The following SPATA6 variants were observed in gnomAD, a reference collection of about 807,000 sequenced individuals.
The protein encoded by SPATA6 is spermatogenesis-associated protein 6.
A neutral mutation model predicts 65.3 loss-of-function variants in SPATA6; 56 were observed. The ratio of observed to expected loss-of-function variants is 0.86; its 90% CI spans 0.69 to 1.07. The LOEUF is 1.07. Ranked by LOEUF, SPATA6 falls within the 50% of genes least tolerant of loss-of-function variation. SPATA6 has a pLI of 0.00. For synonymous variants in SPATA6, 199 were observed against 213.2 expected (o/e 0.93, Z 0.58); for missense variants, 590 against 594.8 (o/e 0.99, Z 0.08).
chr1:48,316,003 G>A (rs964949416), intron 11 of SPATA6, among the ~76,000 whole-genome samples: 6 of 152,136 alleles, frequency 3.9e-5, no homozygotes, highest in Admixed American at 2.0e-4. Context: ...TCTTCAAGGA[G>A]AACTACAAAC....
chr1:48,275,451 A>G, the SPATA6 span, among the ~76,000 whole-genome samples: 19 of 152,152 alleles, frequency 1.2e-4, no homozygotes, highest in African/African-American at 4.3e-4. Flanking sequence ...GCTTTTGCCC[A>G]TTCAGTATGA....
At chr1:48,344,097 A>G (rs1375725864) in intron 11 of SPATA6, 2 of 152,136 alleles carry the variant, frequency 1.3e-5, no homozygotes, top group African/African-American at 4.8e-5. Context: ...ACACTGTATA[A>G]AAAAGTCAAT....
chr1:48,337,068 C>A (rs11205475), intron 11 of SPATA6, among the ~76,000 whole-genome samples: 21,800 of 151,704 alleles, frequency 0.14, 1,772 homozygotes, highest in African/African-American at 0.21. Context: ...ATGAGGTCAG[C>A]CAAAATCTGA....
chr1:48,320,677 T>A (rs1283133574), intron 11 of SPATA6, among the ~76,000 whole-genome samples: 3 of 152,156 alleles, frequency 2.0e-5, no homozygotes, highest in Admixed American at 6.5e-5. Context: ...TCTGAAGGTA[T>A]AAAACTTATT....
chr1:48,442,010 C>T (rs923158887), intron 3 of SPATA6, among the ~76,000 whole-genome samples: 9 of 152,196 alleles, frequency 5.9e-5, no homozygotes, highest in South Asian at 2.1e-4. Flanking sequence ...GGGAACCAAT[C>T]GAGCATGACT....
intron 11 of SPATA6, among the ~76,000 whole-genome samples, chr1:48,322,796 T>C (rs896205658): frequency 6.6e-6 from 1 of 152,206 alleles, no homozygotes; most frequent in Non-Finnish European, 1.5e-5. Context: ...AAGACATTTA[T>C]GCAGCCAACA....
chr1:48,295,281 T>G (rs1489322149), downstream of SPATA6: 1 of 152,134 alleles, frequency 6.6e-6, no homozygotes, highest in African/African-American at 2.4e-5. Flanking sequence ...CACAAAAAAC[T>G]TGTATACAAG....
chr1:48,364,479 T>C (rs1646928688), intron 9 of SPATA6, among the ~76,000 whole-genome samples: 1 of 152,246 alleles, frequency 6.6e-6, no homozygotes, highest in African/African-American at 2.4e-5. Context: ...TCCTAACTTT[T>C]TAATGATCGC....
At chr1:48,370,437 C>T (rs1393417158) in intron 9 of SPATA6, among the ~76,000 whole-genome samples, 1 of 152,158 alleles carries the variant, frequency 6.6e-6, no homozygotes, top group African/African-American at 2.4e-5. Flanking sequence ...AAGAACATTC[C>T]TTAGTGAATC....
At chr1:48,299,505 A>G (rs1644880189) in intron 12 of SPATA6, among the ~76,000 whole-genome samples, 1 of 97,808 alleles carries the variant, frequency 1.0e-5, no homozygotes, top group African/African-American at 3.9e-5. Context: ...CAAGAGCAAA[A>G]CTCCGTCTCG....
chr1:48,322,200 G>T (rs1199602627), intron 11 of SPATA6, among the ~76,000 whole-genome samples: 1 of 152,000 alleles, frequency 6.6e-6, no homozygotes, highest in Non-Finnish European at 1.5e-5. Context: ...AATAAATAAA[G>T]TTGAATTAAA....
Position 48,295,384 on chromosome 1 carries a change from G to A in SPATA6, c.*3329C>T, listed in dbSNP as rs1022632628. On this transcript the variant is annotated 3_prime_UTR_variant, in exon 13 of 13. Transcript: ENST00000371847. Reference sequence around the variant, plus strand: ...TAAACAAAATGTGGTATATTCATATGATGGATTATTATTTAGTAATAAAAA... The same window carrying A: ...TAAACAAAATGTGGTATATTCATATAATGGATTATTATTTAGTAATAAAAA... 1 of 152,156 alleles carries A rather than the reference G, an allele frequency of 6.6e-6. No homozygotes were observed. Among genetic ancestry groups the A allele is most frequent in the Non-Finnish European group, 1.5e-5 (1 of 68,016 alleles). 9.4% of individuals were successfully genotyped at this position (152,156 alleles called of 1,614,324 possible). A position where few individuals can be genotyped will look rare whatever the true frequency, so the allele number is the denominator to read the frequency against.
chr1:48,450,394 A>G (rs1656455432), intron 3 of SPATA6, among the ~76,000 whole-genome samples: 1 of 152,078 alleles, frequency 6.6e-6, no homozygotes, highest in African/African-American at 2.4e-5. Context: ...AAAAAATAAT[A>G]ACCACTAAGT....
chr1:48,384,202 G>A (rs1488308222), intron 9 of SPATA6, among the ~76,000 whole-genome samples: 10 of 147,528 alleles, frequency 6.8e-5, no homozygotes, highest in South Asian at 2.2e-4. Flanking sequence ...CAGGCGTGGC[G>A]GTGCGCGCCT....
At chr1:48,392,180 T>A (rs1170452174) in intron 8 of SPATA6, among the ~76,000 whole-genome samples, 1 of 152,128 alleles carries the variant, frequency 6.6e-6, no homozygotes, top group Non-Finnish European at 1.5e-5. Context: ...AATCATCTGA[T>A]AAGGGATTAA....
intron 9 of SPATA6, among the ~76,000 whole-genome samples, chr1:48,364,739 T>G (rs113248585): frequency 0.084 from 12,765 of 152,182 alleles, 550 homozygotes; most frequent in Non-Finnish European, 0.093. Flanking sequence ...TTTCACCCAT[T>G]TTGTAGGTTG....
At chr1:48,394,636 A>G (rs1417663283) in intron 8 of SPATA6, among the ~76,000 whole-genome samples, 2 of 152,090 alleles carry the variant, frequency 1.3e-5, no homozygotes, top group South Asian at 2.1e-4. Flanking sequence ...AAGCTCACTC[A>G]ATGTAATGAT....
the SPATA6 span, among the ~76,000 whole-genome samples, chr1:48,289,141 C>T: frequency 1.2e-4 from 19 of 152,160 alleles, no homozygotes; most frequent in African/African-American, 2.2e-4. Flanking sequence ...CCCTCTGAGA[C>T]GAAGCTTCCA....
Position 48,365,931 on chromosome 1 carries a change from T to C in SPATA6, c.910-6161A>G, listed in dbSNP as rs1197769373. Among the ~76,000 whole-genome samples the C allele has an allele frequency of 2.0e-5, 3 of 152,228 alleles. No homozygotes were observed. The East Asian group carries it at 5.8e-4, about 29-fold the overall frequency. ...TTCAGTATGATATTGGCTGTGGGTT[T>C]GTCATAGATAGCTCTTATTATTTTA... On this transcript the variant is annotated intron_variant, in intron 9 of 12. Coordinates refer to ENST00000371847, the MANE Select transcript of SPATA6 (RefSeq NM_019073.4).
Sources: allele counts gnomAD v4.1 joint callset (sites outside exome capture counted in the v4.1 genomes callset), GRCh38; gene constraint gnomAD v4.1.1; transcripts MANE v1.5; gene names NCBI Gene and HGNC (gene_info 2026-07-23, HGNC 2026-07-21).